Variants in DCC observed in about 807,000 individuals in gnomAD.
DCC encodes the protein netrin receptor DCC.
In DCC, 58 loss-of-function variants were observed where a neutral mutation model predicts 172.5. The observed-to-expected ratio is 0.34, with a 90% CI of 0.27 to 0.42. The LOEUF (loss-of-function observed/expected upper bound fraction) is 0.42. DCC is among the 10% of genes least tolerant of loss of function. DCC has a pLI of 1.00. For synonymous variants in DCC, 709 were observed against 644.5 expected (o/e 1.10, Z -1.52); for missense variants, 1,740 against 1,791.0 (o/e 0.97, Z 0.51).
chr18:53,529,911 A>T (rs1274262419), intron 28 of DCC, among the ~76,000 whole-genome samples: 1 of 152,140 alleles, frequency 6.6e-6, no homozygotes, highest in Non-Finnish European at 1.5e-5. Flanking sequence ...TCTTTTATCC[A>T]CCATTCAAAT....
intron 7 of DCC, among the ~76,000 whole-genome samples, chr18:53,079,237 T>A (rs952765015): frequency 6.6e-6 from 1 of 151,970 alleles, no homozygotes; most frequent in East Asian, 1.9e-4. Context: ...CATAAGTCTT[T>A]TGATCTCATG....
intron 5 of DCC, among the ~76,000 whole-genome samples, chr18:53,005,610 C>A (rs1252150259): frequency 2.0e-5 from 3 of 152,142 alleles, no homozygotes; most frequent in Non-Finnish European, 4.4e-5. Context: ...TGCCTACAGT[C>A]CCAGCTACTC....
chr18:53,206,493 A>T (rs914454221), intron 10 of DCC, among the ~76,000 whole-genome samples: 5 of 140,954 alleles, frequency 3.5e-5, no homozygotes, highest in Admixed American at 2.2e-4. Flanking sequence ...TATAATGTAT[A>T]TGTATTACAT....
At chr18:52,438,771 C>T (rs979977959) in intron 1 of DCC, among the ~76,000 whole-genome samples, 1 of 152,152 alleles carries the variant, frequency 6.6e-6, no homozygotes, top group African/African-American at 2.4e-5. Flanking sequence ...ATCTTGCATA[C>T]TCTACCACTA....
chr18:52,729,069 A>G (rs2036596549), intron 1 of DCC, among the ~76,000 whole-genome samples: 1 of 152,214 alleles, frequency 6.6e-6, no homozygotes, highest in Non-Finnish European at 1.5e-5. Flanking sequence ...AAATTTAAGC[A>G]TAATCTCTAT....
At chr18:52,912,000 G>C (rs1270500301) in intron 3 of DCC, among the ~76,000 whole-genome samples, 1 of 151,780 alleles carries the variant, frequency 6.6e-6, no homozygotes, top group East Asian at 1.9e-4. Flanking sequence ...TCTGCATATG[G>C]ACTCTCACAG....
chr18:52,901,505 C>G (rs374894701), intron 2 of DCC, among the ~76,000 whole-genome samples: 1 of 152,004 alleles, frequency 6.6e-6, no homozygotes, highest in East Asian at 1.9e-4. Context: ...GGTACCAGTT[C>G]CATCTAGAAA....
intron 12 of DCC, among the ~76,000 whole-genome samples, chr18:53,285,901 C>G (rs2056930276): frequency 6.6e-6 from 1 of 152,208 alleles, no homozygotes; most frequent in Non-Finnish European, 1.5e-5. Context: ...TAAGATTTGA[C>G]TGCACCTCTG....
intron 12 of DCC, among the ~76,000 whole-genome samples, chr18:53,254,834 A>C (rs2056484077): frequency 1.3e-5 from 2 of 152,100 alleles, no homozygotes; most frequent in South Asian, 2.1e-4. Flanking sequence ...AATGCTGTGC[A>C]TCCATCAGCA....
chr18:52,756,262 C>T (rs2037074734), intron 2 of DCC, among the ~76,000 whole-genome samples: 1 of 152,204 alleles, frequency 6.6e-6, no homozygotes, highest in South Asian at 2.1e-4. Flanking sequence ...CAGCGCTGAA[C>T]TTATCTATGA....
intron 1 of DCC, among the ~76,000 whole-genome samples, chr18:52,743,345 G>C (rs941587360): frequency 1.3e-5 from 2 of 152,154 alleles, no homozygotes; most frequent in African/African-American, 4.8e-5. Flanking sequence ...AGGGAAGAAG[G>C]CTCAAACCCA....
At chr18:53,463,636 A>G (rs1214539791) in intron 24 of DCC, among the ~76,000 whole-genome samples, 3 of 152,172 alleles carry the variant, frequency 2.0e-5, no homozygotes, top group Non-Finnish European at 4.4e-5. Flanking sequence ...AGATGCTATC[A>G]TTCTTTTCAT....
At chr18:53,014,251 G>C (rs2041773233) in intron 5 of DCC, among the ~76,000 whole-genome samples, 1 of 152,066 alleles carries the variant, frequency 6.6e-6, no homozygotes, top group Admixed American at 6.5e-5. Context: ...GCATATATTT[G>C]AAGTTAAACT....
intron 5 of DCC, among the ~76,000 whole-genome samples, chr18:52,993,637 A>T (rs1018096587): frequency 1.3e-5 from 2 of 152,106 alleles, no homozygotes; most frequent in Admixed American, 1.3e-4. Flanking sequence ...TTGGACAGAG[A>T]CAAAAAGATG....
chr18:52,711,039 G>A (rs17756182), intron 1 of DCC, among the ~76,000 whole-genome samples: 6,905 of 152,166 alleles, frequency 0.045, 227 homozygotes, highest in South Asian at 0.15. Context: ...AACTTTATCC[G>A]GCTGATGAGC....
chr18:52,413,951 C>T (rs964686678), intron 1 of DCC, among the ~76,000 whole-genome samples: 8 of 152,228 alleles, frequency 5.3e-5, no homozygotes, highest in Admixed American at 2.6e-4. Context: ...ATTACGTACA[C>T]GTGTGTATCT....
intron 15 of DCC, among the ~76,000 whole-genome samples, chr18:53,351,407 A>ATATATATACAGTATATATATATAGTGTG (rs1568075142): frequency 5.2e-5 from 1 of 19,152 alleles, no homozygotes; most frequent in African/African-American, 2.4e-4. Flanking sequence ...CAGTGTATAT[A>ATATATATACAGTATATATATATAGTGTG]TATATATATA....
intron 1 of DCC, among the ~76,000 whole-genome samples, chr18:52,616,869 G>A (rs2034391278): frequency 6.6e-6 from 1 of 152,120 alleles, no homozygotes; most frequent in Admixed American, 6.5e-5. Flanking sequence ...CTAAACATGG[G>A]AGCAACAGAA....
intron 7 of DCC, among the ~76,000 whole-genome samples, chr18:53,128,830 TACACAC>T (rs1209652447): frequency 5.9e-4 from 51 of 86,952 alleles, no homozygotes; most frequent in African/African-American, 1.0e-3. Flanking sequence ...TGTATACACA[TACACAC>T]ACACACACAC....
Sources: gnomAD v4.1 joint callset for allele counts (sites outside exome capture counted in the v4.1 genomes callset) on GRCh38, gnomAD v4.1.1 for gene constraint, MANE v1.5 for transcripts, NCBI Gene and HGNC (gene_info 2026-07-23, HGNC 2026-07-21) for gene names.